The following TP53AIP1 variants were observed in gnomAD, a reference collection of about 807,000 sequenced individuals.
TP53AIP1 encodes the protein tumor protein p53 regulated apoptosis inducing protein 1.
Under a neutral mutation model 9.5 loss-of-function variants are expected in TP53AIP1, and 14 were observed. The observed-to-expected ratio is 1.47, with a 90% CI of 0.97 to 2.30. The LOEUF is 2.30. TP53AIP1 is among the 30% of genes most tolerant of loss of function. The pLI is 0.00. For missense variants in TP53AIP1, 153 were observed against 146.7 expected, an observed-to-expected ratio of 1.04 and a Z score of -0.22; for synonymous variants, 73 against 61.2, an observed-to-expected ratio of 1.19 and a Z score of -0.90.
chr11:128,942,329 C>G (rs979933742), intron 1 of TP53AIP1, among the ~76,000 whole-genome samples: 1 of 152,200 alleles, frequency 6.6e-6, no homozygotes, highest in Non-Finnish European at 1.5e-5. Flanking sequence ...TCCATGAGGC[C>G]ACCATGCCGC....
chr11:128,935,148 G>T, downstream of TP53AIP1: 2 of 801,878 alleles, frequency 2.5e-6, no homozygotes, highest in South Asian at 1.4e-5. Context: ...CCCAGCGGGG[G>T]CCCGGGGCTT....
chr11:128,937,280 C>T lies in TP53AIP1; in HGVS notation c.141+398G>A. On this transcript the variant is annotated intron_variant, in intron 2 of 3. Coordinates refer to ENST00000531399, the MANE Select transcript of TP53AIP1 (RefSeq NM_022112.3). The surrounding 1 kb of genome is among the most constrained non-coding windows in gnomAD (Gnocchi z 4.8). The stretch of plus-strand genomic sequence containing the variant: ...CCGGGGTGGACGCAGAAGAGCAGGC[C>T]CGGAGCCCTGCACCCCAGCCTTCCC... 7.5e-7 allele frequency: 1 copy of T among 1,336,282 alleles called. No individual in the cohort carries two copies. Among genetic ancestry groups the T allele is most frequent in the Non-Finnish European group, 9.6e-7 (1 of 1,046,968 alleles). The allele number at this position is 1,336,282 out of a possible 1,614,324, so 82.8% of individuals were successfully genotyped here. A position where few individuals can be genotyped will look rare whatever the true frequency, so the allele number is the denominator to read the frequency against.
chr11:128,935,849 G>A, intron 3 of TP53AIP1, 137 bp from the exon 4 acceptor site: 4 of 1,358,712 alleles, frequency 2.9e-6, no homozygotes, highest in Non-Finnish European at 3.8e-6. Context: ...CCATTGTAAG[G>A]CACATCATTA....
rs563145699 is a variant in TP53AIP1, at chr11:128,940,671, C to T, written c.-77+2123G>A. 3.9e-5 allele frequency among the ~76,000 whole-genome samples: 6 copies of T among 152,322 alleles called. No homozygotes were observed. In the South Asian group the frequency reaches 1.0e-3, roughly 26 times the overall value. ...AGATACATTTCTGTCCTTTGTGAAT[C>T]GCCCACTCTCCGGGGTTGTGTGAGA... On this transcript the variant is annotated intron_variant, in intron 1 of 3. Coordinates refer to ENST00000531399, the MANE Select transcript of TP53AIP1 (RefSeq NM_022112.3).
intron 1 of TP53AIP1, among the ~76,000 whole-genome samples, chr11:128,941,399 C>T (rs561737263): frequency 5.0e-4 from 76 of 152,328 alleles, no homozygotes; most frequent in African/African-American, 1.8e-3. Context: ...TGGGCCCCCA[C>T]ACATCTCAGT....
rs141943307 is a variant in TP53AIP1 at position 128,939,009 on chromosome 11, G to A, written c.-76-1115C>T. The stretch of plus-strand genomic sequence containing the variant: ...AGTTTGGTACATGCTGGCCATGTGC[G>A]GTGACCACGCTAAGTACTGTGCGTG... On this transcript the variant is annotated intron_variant, in intron 1 of 3. Coordinates refer to ENST00000531399, the MANE Select transcript of TP53AIP1 (RefSeq NM_022112.3). The surrounding 1 kb of genome is among the most constrained non-coding windows in gnomAD (Gnocchi z 4.1). 1.3e-5 allele frequency among the ~76,000 whole-genome samples: 2 copies of A among 152,184 alleles called. No homozygotes were observed. The highest frequency in any genetic ancestry group is 1.9e-4 in the East Asian group (1 of 5,190).
In TP53AIP1 at chr11:128,937,844, G is replaced by A. The variant is rs764633518; in HGVS notation, c.-26C>T. 6.3e-7 allele frequency: 1 copy of A among 1,583,456 alleles called. No homozygotes were observed. Among genetic ancestry groups the A allele is most frequent in the South Asian group, 1.1e-5 (1 of 87,734 alleles). The stretch of plus-strand genomic sequence containing the variant: ...CCAGGGGAGGCCCTGTCTGCAGAAA[G>A]CAGAGAACTTGGCTTCTCCTCATTT... On this transcript the variant is annotated 5_prime_UTR_variant, in exon 2 of 4. Coordinates refer to ENST00000531399, the MANE Select transcript of TP53AIP1 (RefSeq NM_022112.3). This position sits in a 1 kb window ranked among gnomAD's most constrained non-coding sequence, Gnocchi z 4.8.
chr11:128,934,966 G>A (rs976078573), downstream of TP53AIP1: 2 of 702,664 alleles, frequency 2.8e-6, no homozygotes, highest in African/African-American at 3.5e-5. Context: ...CATTGGTTAA[G>A]GGTTGCCCTG....
downstream of TP53AIP1, chr11:128,934,952 C>A (rs1591461955): frequency 2.8e-6 from 2 of 701,836 alleles, no homozygotes; most frequent in Admixed American, 2.0e-5. Context: ...CAATGCTTTT[C>A]CCCCATTGGT....
Position 128,935,626 on chromosome 11 carries a change from A to T in TP53AIP1, c.340T>A (p.Tyr114Asn). ...CTCAACGGTGCTTTTTTCTGATCAT[A>T]GCTGAGCTCAAATGCTGACCCCAGT... ...RPLGSAFELS[Y>N]DQKKAPLRLQ Residue 114 changes from tyrosine (Y) to asparagine (N), a missense_variant, in exon 4 of 4, where the codon TAT (tyrosine) becomes AAT (asparagine). Tyr to Asn is a moderately radical substitution (Grantham distance 143). Transcript: ENST00000531399. The T allele has an allele frequency of 6.3e-7, 1 of 1,584,108 alleles. No individual in the cohort carries two copies. The highest frequency in any genetic ancestry group is 8.5e-7 in the Non-Finnish European group (1 of 1,172,854).
rs576783235 is a variant in TP53AIP1 at position 128,939,730 on chromosome 11, G to C, written c.-76-1836C>G. On this transcript the variant is annotated intron_variant, in intron 1 of 3. Transcript: ENST00000531399. This position sits in a 1 kb window ranked among gnomAD's most constrained non-coding sequence, Gnocchi z 4.1. ...GGCTCTTCTGGAAACACGATGCCTCGGTGCCATGAAATGACAGCTGCTTCT... is the reference window on the plus strand; with the variant it reads ...GGCTCTTCTGGAAACACGATGCCTCCGTGCCATGAAATGACAGCTGCTTCT... 6.6e-6 allele frequency among the ~76,000 whole-genome samples: 1 copy of C among 152,284 alleles called. No homozygotes were observed. Among genetic ancestry groups the C allele is most frequent in the Admixed American group, 6.5e-5 (1 of 15,296 alleles).
At chr11:128,936,085 T>C in intron 3 of TP53AIP1, 4 of 814,184 alleles carry the variant, frequency 4.9e-6, no homozygotes, top group Non-Finnish European at 6.1e-6. Flanking sequence ...ACACCTACAC[T>C]GAGACTCAGG....
chr11:128,935,522 G>GTT lies in TP53AIP1; in HGVS notation c.*67_*68dup, dbSNP rs1555049432. The GTT allele has an allele frequency of 1.4e-5, 21 of 1,511,810 alleles. No homozygotes were observed. Among genetic ancestry groups the GTT allele is most frequent in the South Asian group, 2.5e-5 (2 of 80,062 alleles). The allele number at this position is 1,511,810 out of a possible 1,614,324, so 93.6% of individuals were successfully genotyped here. On this transcript the variant is annotated 3_prime_UTR_variant, in exon 4 of 4. Coordinates refer to ENST00000531399, the MANE Select transcript of TP53AIP1 (RefSeq NM_022112.3). ...TCTCGACGGTGCTTTCTGTTTGTTT[G>GTT]TTTGTTTTTGTTTTGAGATGGAGTC...
rs748269067 is a variant in TP53AIP1, at chr11:128,935,645, C to A, written c.321G>T (p.Gly107=). Residue 107 remains glycine (G), a synonymous_variant, in exon 4 of 4, where the codon GGG becomes GGT. Transcript: ENST00000531399. ...GATCATAGCTGAGCTCAAATGCTGA[C>A]CCCAGTGGCCTGTCTCTAAGCACTG... is the stretch of plus-strand genomic sequence containing the variant. ...GATVLRDRPL[G]SAFELSYDQK... The A allele has an allele frequency of 6.3e-7, 1 of 1,587,676 alleles. No individual in the cohort carries two copies. Among genetic ancestry groups the A allele is most frequent in the Non-Finnish European group, 8.5e-7 (1 of 1,174,686 alleles).
intron 2 of TP53AIP1, 104 bp from the exon 3 acceptor site, chr11:128,936,753 G>T: frequency 4.1e-6 from 6 of 1,453,180 alleles, no homozygotes; most frequent in Non-Finnish European, 5.4e-6. Flanking sequence ...GCATCCAGGG[G>T]CATTTCACCT....
rs182853924 is a variant in TP53AIP1 at position 128,936,865 on chromosome 11, A to G, written c.142-216T>C. 252 of 1,364,608 alleles carry G rather than the reference A, an allele frequency of 1.8e-4. No individual in the cohort carries two copies. The African/African-American group carries it at 3.5e-3, about 19-fold the overall frequency. 84.5% of individuals were successfully genotyped at this position (1,364,608 alleles called of 1,614,324 possible). On this transcript the variant is annotated intron_variant, in intron 2 of 3. Transcript: ENST00000531399. Reference sequence around the variant, plus strand: ...GTCAGTGGTGCAAAGGACATTAGAGACAAAGACAGAGACAGCAAATCAGCC... The same window carrying G: ...GTCAGTGGTGCAAAGGACATTAGAGGCAAAGACAGAGACAGCAAATCAGCC...
chr11:128,937,813 T>A lies in TP53AIP1; in HGVS notation c.6A>T (p.Gly2=). The part of the protein sequence containing the change: M[G]SSSEASFRSA... The stretch of plus-strand genomic sequence containing the variant: ...ATCTGAAGCTCGCCTCAGAGGAAGA[T>A]CCCATCCAGGGGAGGCCCTGTCTGC... Residue 2 remains glycine (G), a synonymous_variant, in exon 2 of 4, where the codon GGA becomes GGT. Transcript: ENST00000531399. This position sits in a 1 kb window ranked among gnomAD's most constrained non-coding sequence, Gnocchi z 4.8. 6.2e-7 allele frequency: 1 copy of A among 1,609,078 alleles called. No homozygotes were observed. The highest frequency in any genetic ancestry group is 1.1e-5 in the South Asian group (1 of 90,820).
chr11:128,935,444 C>T lies in TP53AIP1; in HGVS notation c.*147G>A, dbSNP rs79865007. On this transcript the variant is annotated 3_prime_UTR_variant, in exon 4 of 4. Coordinates refer to ENST00000531399, the MANE Select transcript of TP53AIP1 (RefSeq NM_022112.3). ...TGAGGCAACCTAGCCACCCAACTGG[C>T]CCAGTGGTCAAGGGGGGAAATGAGG... 1.8e-3 allele frequency: 2,633 copies of T among 1,423,792 alleles called. 47 individuals carry two copies. In the African/African-American group the frequency reaches 0.032, roughly 17 times the overall value. The allele number at this position is 1,423,792 out of a possible 1,614,324, so 88.2% of individuals were successfully genotyped here.
chr11:128,937,801 C>G lies in TP53AIP1; in HGVS notation c.18G>C (p.Glu6Asp). MGSSSEASFRSAQASC... is the reference protein window; with the variant it reads MGSSSDASFRSAQASC... ...AAGCTTGAGCAGATCTGAAGCTCGC[C>G]TCAGAGGAAGATCCCATCCAGGGGA... The change falls in exon 2 of 4, where the codon GAG becomes GAC. Residue 6 changes from glutamate (E) to aspartate (D), a missense_variant. Glu to Asp is a conservative substitution (Grantham distance 45, BLOSUM62 2). Transcript: ENST00000531399. The surrounding 1 kb of genome is among the most constrained non-coding windows in gnomAD (Gnocchi z 4.8). 3.7e-6 allele frequency: 6 copies of G among 1,611,396 alleles called. No homozygotes were observed. Among genetic ancestry groups the G allele is most frequent in the Non-Finnish European group, 5.1e-6 (6 of 1,178,802 alleles).
Sources: allele counts gnomAD v4.1 joint callset (sites outside exome capture counted in the v4.1 genomes callset), GRCh38; gene constraint gnomAD v4.1.1; non-coding constraint Gnocchi (gnomAD v3.1); transcripts MANE v1.5; gene names NCBI Gene and HGNC (gene_info 2026-07-23, HGNC 2026-07-21).